MMUT: variants seen among roughly 807,000 people sequenced by gnomAD.
MMUT encodes the protein methylmalonyl-CoA mutase, mitochondrial.
Under a neutral mutation model 79.9 loss-of-function variants are expected in MMUT, and 79 were observed. The observed-to-expected ratio is 0.99, with a 90% confidence interval of 0.82 to 1.19. MMUT has a LOEUF of 1.19. MMUT is among the 50% of genes most tolerant of loss of function. The pLI, the probability that MMUT is intolerant of heterozygous loss-of-function variation, is 0.00. For synonymous variants in MMUT, 273 were observed against 295.7 expected, an observed-to-expected ratio of 0.92 and a Z score of 0.79; for missense variants, 860 against 917.2, an observed-to-expected ratio of 0.94 and a Z score of 0.81.
chr6:49,434,881 C>G (rs1172867473), intron 12 of MMUT, among the ~76,000 whole-genome samples: 1 of 152,090 alleles, frequency 6.6e-6, no homozygotes, highest in Non-Finnish European at 1.5e-5. Flanking sequence ...AAATACCAAG[C>G]CCTAATCAGA....
intron 12 of MMUT, among the ~76,000 whole-genome samples, chr6:49,432,430 C>G (rs79527231): frequency 0.3 from 45,690 of 151,644 alleles, 7,407 homozygotes; most frequent in South Asian, 0.37. Flanking sequence ...CTCTGTTGCC[C>G]AGACTGGAGT....
chr6:49,454,989 T>C (rs1043669492), intron 4 of MMUT, among the ~76,000 whole-genome samples: 5 of 152,144 alleles, frequency 3.3e-5, no homozygotes, highest in Non-Finnish European at 4.4e-5. Flanking sequence ...GAGGCTGCAA[T>C]GAGCAGTGAT....
intron 3 of MMUT, among the ~76,000 whole-genome samples, chr6:49,457,455 A>G (rs1290879803): frequency 6.6e-6 from 1 of 152,228 alleles, no homozygotes; most frequent in East Asian, 1.9e-4. Context: ...CCTGAATCTA[A>G]CAATTATCAG....
chr6:49,462,203 C>A (rs1767868037), intron 1 of MMUT, among the ~76,000 whole-genome samples: 1 of 152,180 alleles, frequency 6.6e-6, no homozygotes, highest in South Asian at 2.1e-4. Context: ...AAAGAAGCAA[C>A]ATGCAAAGCA....
At chr6:49,451,821 A>G in intron 5 of MMUT, 107 bp from the exon 6 acceptor site, 10 of 1,208,598 alleles carry the variant, frequency 8.3e-6, no homozygotes, top group Middle Eastern at 2.1e-4. Context: ...TTCTATGTCA[A>G]TTTCCATATT....
chr6:49,446,290 A>G (rs1354687198), intron 8 of MMUT, among the ~76,000 whole-genome samples: 2 of 152,000 alleles, frequency 1.3e-5, no homozygotes, highest in Non-Finnish European at 1.5e-5. Context: ...GTAAGAAAAT[A>G]TAAACTTGAG....
Position 49,444,644 on chromosome 6 carries a change from C to T in MMUT, c.1671G>A (p.Arg557=), listed in dbSNP as rs2127415942. Residue 557 remains arginine, a synonymous_variant, in exon 9 of 13, where the codon CGG becomes CGA. Transcript: ENST00000274813. ...CCAAACTTATATATCTTCACCTTGC[C>T]CGAGATGCATCCACTGCAAGAGCCA... is the stretch of plus-strand genomic sequence containing the variant. ...NILALAVDAS[R]ARCTVGEITD... 6.2e-7 allele frequency: 1 copy of T among 1,612,456 alleles called. No homozygotes were observed. Among genetic ancestry groups the T allele is most frequent in the Middle Eastern group, 1.7e-4 (1 of 6,056 alleles).
At chr6:49,461,090 G>T (rs929690676) in intron 1 of MMUT, among the ~76,000 whole-genome samples, 2 of 152,156 alleles carry the variant, frequency 1.3e-5, no homozygotes, top group South Asian at 4.1e-4. Context: ...ATATACAAAT[G>T]ATAGAATTTC....
chr6:49,451,723 T>C lies in MMUT; in HGVS notation c.1084-9A>G, dbSNP rs1341069071. On this transcript the variant is annotated splice_polypyrimidine_tract_variant and intron_variant, in intron 5 of 12. Coordinates refer to ENST00000274813, the MANE Select transcript of MMUT (RefSeq NM_000255.4). Reference sequence around the variant, plus strand: ...ATATTATTGTAGGGATCCTAAAATATTTGATAAAAAACAAAAACTCAAAGA... The same window carrying C: ...ATATTATTGTAGGGATCCTAAAATACTTGATAAAAAACAAAAACTCAAAGA... 1.9e-6 allele frequency: 3 copies of C among 1,613,290 alleles called. No individual in the cohort carries two copies. Among genetic ancestry groups the C allele is most frequent in the Non-Finnish European group, 2.5e-6 (3 of 1,179,490 alleles).
At chr6:49,450,842 A>G (rs1767534301) in intron 6 of MMUT, among the ~76,000 whole-genome samples, 1 of 152,196 alleles carries the variant, frequency 6.6e-6, no homozygotes, top group African/African-American at 2.4e-5. Context: ...TCCTACTATA[A>G]TGGCAAAGAG....
chr6:49,433,355 A>T (rs1767036392), intron 12 of MMUT, among the ~76,000 whole-genome samples: 1 of 152,246 alleles, frequency 6.6e-6, no homozygotes, highest in Non-Finnish European at 1.5e-5. Context: ...TGCAACTGAA[A>T]AAAGGGTATG....
At chr6:49,451,843 T>C in intron 5 of MMUT, 129 bp from the exon 6 acceptor site, 1 of 1,061,860 alleles carries the variant, frequency 9.4e-7, no homozygotes, top group Non-Finnish European at 1.4e-6. Flanking sequence ...AGCTTCAGAA[T>C]AGCAAATAAA....
intron 9 of MMUT, among the ~76,000 whole-genome samples, chr6:49,442,586 G>A (rs975857641): frequency 1.2e-4 from 18 of 151,994 alleles, no homozygotes; most frequent in African/African-American, 3.9e-4. Context: ...ACTAAACCAC[G>A]CAAAGATGGA....
chr6:49,448,963 T>C (rs751994971), intron 6 of MMUT, 36 bp from the exon 7 acceptor site: 3 of 1,354,762 alleles, frequency 2.2e-6, no homozygotes, highest in Admixed American at 1.7e-5. Context: ...TAAAAGAGAA[T>C]ATTAAAAATG....
intron 5 of MMUT, among the ~76,000 whole-genome samples, chr6:49,452,614 G>T (rs370212270): frequency 2.6e-5 from 4 of 152,154 alleles, no homozygotes; most frequent in Admixed American, 2.6e-4. Flanking sequence ...ATTTACAGGC[G>T]TGAGCCACTG....
chr6:49,432,128 T>C (rs1459613178), intron 12 of MMUT, among the ~76,000 whole-genome samples: 3 of 152,106 alleles, frequency 2.0e-5, no homozygotes, highest in African/African-American at 7.2e-5. Context: ...CTGGATATCC[T>C]GACTGAGAAC....
At chr6:49,442,003 C>T (rs369811046) in intron 9 of MMUT, 32 bp from the exon 10 acceptor site, 3 of 1,587,496 alleles carry the variant, frequency 1.9e-6, no homozygotes, top group Non-Finnish European at 2.6e-6. Flanking sequence ...CCATTAACTT[C>T]ATTATTTTGT....
At chr6:49,443,101 T>C (rs1022141630) in intron 9 of MMUT, among the ~76,000 whole-genome samples, 53 of 152,134 alleles carry the variant, frequency 3.5e-4, no homozygotes, top group African/African-American at 1.2e-3. Context: ...TGCCATATAT[T>C]GGGAGAAAAT....
intron 11 of MMUT, among the ~76,000 whole-genome samples, chr6:49,435,840 A>G (rs529673529): frequency 1.3e-5 from 2 of 152,380 alleles, no homozygotes; most frequent in Non-Finnish European, 2.9e-5. Context: ...CTATCAACAC[A>G]GTAAACAGAT....
Sources: gnomAD v4.1 joint callset for allele counts (sites outside exome capture counted in the v4.1 genomes callset) on GRCh38, gnomAD v4.1.1 for gene constraint, MANE v1.5 for transcripts, NCBI Gene and HGNC (gene_info 2026-07-23, HGNC 2026-07-21) for gene names.